Variants in ABCB4 observed in about 807,000 individuals in gnomAD.
ABCB4 encodes the protein ATP binding cassette subfamily B member 4, also known as phosphatidylcholine translocator ABCB4.
Under a neutral mutation model 145.7 loss-of-function variants are expected in ABCB4, and 76 were observed. The observed-to-expected ratio is 0.52, with a 90% CI of 0.43 to 0.63. The LOEUF (loss-of-function observed/expected upper bound fraction) is 0.63. Ranked by LOEUF, ABCB4 falls within the 30% of genes least tolerant of loss-of-function variation. ABCB4 has a pLI of 0.00. For missense variants in ABCB4, 1,234 were observed against 1,553.1 expected (o/e 0.79, Z 3.45); for synonymous variants, 517 against 566.8 (o/e 0.91, Z 1.25).
intron 8 of ABCB4, 62 bp from the exon 9 acceptor site, chr7:87,447,267 C>G: frequency 6.6e-7 from 1 of 1,513,742 alleles, no homozygotes; most frequent in Non-Finnish European, 9.1e-7. Flanking sequence ...GTCCGAGTCA[C>G]ACTCGGCTCC....
chr7:87,392,481 A>G, the ABCB4 span: 3 of 1,011,956 alleles, frequency 3.0e-6, no homozygotes, highest in African/African-American at 1.6e-5. Flanking sequence ...AATTACCCCA[A>G]TCCTAATTAC....
intron 12 of ABCB4, among the ~76,000 whole-genome samples, chr7:87,440,750 C>T (rs1175256195): frequency 6.6e-6 from 1 of 151,066 alleles, no homozygotes; most frequent in Non-Finnish European, 1.5e-5. Context: ...TGGTGTTCTG[C>T]TTTTTTTTTG....
At chr7:87,406,041 C>T in intron 26 of ABCB4, 1 of 562,012 alleles carries the variant, frequency 1.8e-6, no homozygotes, top group Non-Finnish European at 3.2e-6. Flanking sequence ...AGTCTAAATG[C>T]AGCCCTCAAC....
the ABCB4 span, among the ~76,000 whole-genome samples, chr7:87,379,209 C>G: frequency 6.6e-6 from 1 of 152,190 alleles, no homozygotes; most frequent in African/African-American, 2.4e-5. Context: ...TATTTTGACA[C>G]TGCCTCTTTC....
At chr7:87,397,112 G>A (rs1459061662), downstream of ABCB4, among the ~76,000 whole-genome samples, 1 of 152,108 alleles carries the variant, frequency 6.6e-6, no homozygotes, top group Non-Finnish European at 1.5e-5. Context: ...CCAGCACTTT[G>A]GGAGGGATTA....
the ABCB4 span, among the ~76,000 whole-genome samples, chr7:87,371,636 AT>A: frequency 6.6e-6 from 1 of 152,302 alleles, no homozygotes; most frequent in South Asian, 2.1e-4. Context: ...TTCTGCCAGT[AT>A]TATGTGAGGA....
At chr7:87,464,827 G>C (rs528412999) in intron 3 of ABCB4, among the ~76,000 whole-genome samples, 1 of 152,108 alleles carries the variant, frequency 6.6e-6, no homozygotes, top group Non-Finnish European at 1.5e-5. Context: ...CTACATTAAG[G>C]TTTGTAGGAT....
chr7:87,438,536 C>T (rs45558739), intron 14 of ABCB4, among the ~76,000 whole-genome samples: 2,605 of 152,120 alleles, frequency 0.017, 78 homozygotes, highest in African/African-American at 0.06. Flanking sequence ...ATCACTTGAA[C>T]TCAGGAGTTT....
chr7:87,431,999 G>C (rs1810273947), intron 14 of ABCB4, among the ~76,000 whole-genome samples: 1 of 152,186 alleles, frequency 6.6e-6, no homozygotes, highest in African/African-American at 2.4e-5. Flanking sequence ...TTAAGAGCCT[G>C]ATCTTAACTA....
chr7:87,411,765 CTG>C (rs1272707690), intron 23 of ABCB4, 126 bp downstream of exon 23: 3 of 817,504 alleles, frequency 3.7e-6, no homozygotes, highest in Non-Finnish European at 5.9e-6. Context: ...AGGATGGAAA[CTG>C]TGGTAAATTT....
At chr7:87,469,840 A>T (rs1251720472) in intron 3 of ABCB4, among the ~76,000 whole-genome samples, 2 of 152,214 alleles carry the variant, frequency 1.3e-5, no homozygotes, top group Admixed American at 6.5e-5. Context: ...GCTACCAATG[A>T]CTTTCTTCAT....
At chr7:87,425,508 A>G (rs1562964120) in intron 16 of ABCB4, among the ~76,000 whole-genome samples, 1 of 152,234 alleles carries the variant, frequency 6.6e-6, no homozygotes, top group Non-Finnish European at 1.5e-5. Context: ...ACAGATAAAA[A>G]CAGATGCAAT....
chr7:87,460,033 A>G (rs1244287285), intron 4 of ABCB4, among the ~76,000 whole-genome samples: 1 of 152,064 alleles, frequency 6.6e-6, no homozygotes. Context: ...TTTCCAGATG[A>G]AATAAGATGG....
At chr7:87,441,080 CTTCCT>C (rs999776447) in intron 12 of ABCB4, among the ~76,000 whole-genome samples, 1 of 152,136 alleles carries the variant, frequency 6.6e-6, no homozygotes, top group Non-Finnish European at 1.5e-5. Flanking sequence ...CTTTAATTTA[CTTCCT>C]TTCTTCTTAA....
At position 87,434,608 on chromosome 7, in the gene ABCB4, C is replaced by G. The variant is rs546196005; in HGVS notation, c.1732-3043G>C. On this transcript the variant is annotated intron_variant, in intron 14 of 27. Transcript: ENST00000649586. ...ACTAAAAATACAGAAATTAGCTGGG[C>G]GTGGTTGCATGTGACTGTAGTCCCA... Among the ~76,000 whole-genome samples, 7 of 151,982 alleles carry G rather than the reference C, an allele frequency of 4.6e-5. No homozygotes were observed. The East Asian group carries it at 1.4e-3, about 29-fold the overall frequency.
At chr7:87,452,728 T>C in intron 6 of ABCB4, 1 of 607,622 alleles carries the variant, frequency 1.6e-6, no homozygotes, top group Non-Finnish European at 2.9e-6. Context: ...AGATGTGAAT[T>C]CAGTCCTCAA....
In ABCB4 at chr7:87,443,772, T is replaced by A; in HGVS notation, c.1121A>T (p.Asn374Ile). The part of the protein sequence containing the change: ...AYVIFDIIDN[N>I]PKIDSFSERG... ...CTCTGAAAAACTGTCAATTTTAGGA[T>A]TCTAAATAAAACAAAATGTAATGAC... Residue 374 changes from asparagine (N) to isoleucine (I), a missense_variant and splice_region_variant, in exon 11 of 28, where the codon AAT becomes ATT. Coordinates refer to ENST00000649586, the MANE Select transcript of ABCB4 (RefSeq NM_000443.4). 2.5e-6 allele frequency: 4 copies of A among 1,609,858 alleles called. No homozygotes were observed. Among genetic ancestry groups the A allele is most frequent in the Non-Finnish European group, 3.4e-6 (4 of 1,176,322 alleles).
chr7:87,380,071 A>C, the ABCB4 span, among the ~76,000 whole-genome samples: 1 of 152,180 alleles, frequency 6.6e-6, no homozygotes. Flanking sequence ...TGGTTGTACC[A>C]CTGCACTCCC....
At chr7:87,434,224 G>A (rs1458482889) in intron 14 of ABCB4, among the ~76,000 whole-genome samples, 1 of 150,412 alleles carries the variant, frequency 6.6e-6, no homozygotes, top group Admixed American at 6.6e-5. Context: ...TTACAGGCGT[G>A]AGCCACCACA....
Sources: gnomAD v4.1 joint callset for allele counts (sites outside exome capture counted in the v4.1 genomes callset) on GRCh38, gnomAD v4.1.1 for gene constraint, MANE v1.5 for transcripts, NCBI Gene and HGNC (gene_info 2026-07-23, HGNC 2026-07-21) for gene names.